PTPRS: variants seen among roughly 807,000 people sequenced by gnomAD.
PTPRS encodes protein tyrosine phosphatase receptor type S.
A neutral mutation model predicts 215.3 loss-of-function variants in PTPRS; 63 were observed. That is an observed-to-expected ratio of 0.29 (90% CI 0.24 to 0.36). The LOEUF is 0.36. Ranked by LOEUF, PTPRS falls within the 10% of genes least tolerant of loss-of-function variation. The pLI is 1.00. For missense variants in PTPRS, 2,258 were observed against 2,825.8 expected (o/e 0.80, Z 4.56); for synonymous variants, 1,404 against 1,191.4 (o/e 1.18, Z -3.68).
At position 5,237,633 on chromosome 19, in the gene PTPRS, G is replaced by A. The variant is rs2043583244; in HGVS notation, c.1849+1286C>T. On this transcript the variant is annotated intron_variant, in intron 13 of 37. Coordinates refer to ENST00000262963, the MANE Select transcript of PTPRS (RefSeq NM_002850.4). This position sits in a 1 kb window ranked among gnomAD's most constrained non-coding sequence, Gnocchi z 4.2. ...CGTTCAGCCCAGAGTGGCTGGGGCA[G>A]GCGGGGGGGCACGCGGGGTGGGCCG... Among the ~76,000 whole-genome samples, 2 of 152,224 alleles carry A rather than the reference G, an allele frequency of 1.3e-5. No individual in the cohort carries two copies. Among genetic ancestry groups the A allele is most frequent in the South Asian group, 2.1e-4 (1 of 4,836 alleles).
chr19:5,248,346 A>T (rs1160936432), intron 9 of PTPRS, among the ~76,000 whole-genome samples: 1 of 152,130 alleles, frequency 6.6e-6, no homozygotes, highest in African/African-American at 2.4e-5. Flanking sequence ...AACAAACGAA[A>T]AAACTCCCTC....
intron 2 of PTPRS, among the ~76,000 whole-genome samples, chr19:5,279,822 A>G (rs927181298): frequency 8.5e-5 from 13 of 152,112 alleles, no homozygotes; most frequent in African/African-American, 3.1e-4. Context: ...AGCTGGGACT[A>G]TAGGCGCCCG....
intron 6 of PTPRS, 131 bp downstream of exon 6, chr19:5,262,833 T>A (rs2046108772): frequency 9.8e-7 from 1 of 1,022,282 alleles, no homozygotes; most frequent in Non-Finnish European, 1.5e-6. Flanking sequence ...AGGGCGTTAG[T>A]AAACATACCA....
At chr19:5,308,979 G>A (rs969892363) in intron 1 of PTPRS, among the ~76,000 whole-genome samples, 4 of 152,202 alleles carry the variant, frequency 2.6e-5, no homozygotes, top group South Asian at 2.1e-4. Context: ...GGAACCCTGG[G>A]TGTAGAAGTG....
Position 5,237,593 on chromosome 19 carries a change from G to A in PTPRS, c.1849+1326C>T, listed in dbSNP as rs980939145. Among the ~76,000 whole-genome samples, 1 of 152,188 alleles carries A rather than the reference G, an allele frequency of 6.6e-6. No homozygotes were observed. The highest frequency in any genetic ancestry group is 1.5e-5 in the Non-Finnish European group (1 of 68,020). ...TGGGAGAGTTTCTGGGGCCGAATTC[G>A]GGCCGTGGACTGTCCGTTCAGCCCA... On this transcript the variant is annotated intron_variant, in intron 13 of 37. Coordinates refer to ENST00000262963, the MANE Select transcript of PTPRS (RefSeq NM_002850.4). The surrounding 1 kb of genome is among the most constrained non-coding windows in gnomAD (Gnocchi z 4.2).
intron 12 of PTPRS, among the ~76,000 whole-genome samples, chr19:5,239,445 G>C (rs537273564): frequency 1.3e-5 from 2 of 151,510 alleles, no homozygotes; most frequent in African/African-American, 4.9e-5. Flanking sequence ...CAGACACAGA[G>C]ACAGAGATAA....
At chr19:5,269,058 T>C (rs907288009) in intron 4 of PTPRS, among the ~76,000 whole-genome samples, 4 of 152,192 alleles carry the variant, frequency 2.6e-5, no homozygotes, top group African/African-American at 4.8e-5. Context: ...TCAATTGGTC[T>C]TGGTGCCCAC....
At chr19:5,216,185 G>A (rs752831286) in intron 26 of PTPRS, among the ~76,000 whole-genome samples, 3 of 152,102 alleles carry the variant, frequency 2.0e-5, no homozygotes, top group African/African-American at 4.8e-5. Flanking sequence ...CTTGGGGCAG[G>A]AGCAGGTGCA....
Position 5,210,529 on chromosome 19 carries a change from C to A in PTPRS, c.5427G>T (p.Pro1809=), listed in dbSNP as rs115808880. ...SARYQYFVVD[P]MAEYNMPQYI... ...ACTGAGGCATGTTGTATTCTGCCAT[C>A]GGATCTACCACAAAGTACTGGTAGC... is the stretch of plus-strand genomic sequence containing the variant. The change falls in exon 35 of 38, where the codon CCG becomes CCT. Residue 1809 remains proline (P), a synonymous_variant. Coordinates refer to ENST00000262963, the MANE Select transcript of PTPRS (RefSeq NM_002850.4). This position sits in a 1 kb window ranked among gnomAD's most constrained non-coding sequence, Gnocchi z 4.5. 54 of 1,614,204 alleles carry A rather than the reference C, an allele frequency of 3.3e-5. 1 individual carries two copies. In the East Asian group the frequency reaches 1.2e-3, roughly 35 times the overall value.
intron 16 of PTPRS, among the ~76,000 whole-genome samples, chr19:5,228,347 G>GAAAAAAAAAA (rs71170899): frequency 1.9e-5 from 2 of 105,888 alleles, no homozygotes; most frequent in African/African-American, 8.6e-5. Flanking sequence ...TCCGTCTGGA[G>GAAAAAAAAAA]AAAAAAAAAA....
At chr19:5,275,656 A>G (rs1035576934) in intron 2 of PTPRS, among the ~76,000 whole-genome samples, 2 of 152,106 alleles carry the variant, frequency 1.3e-5, no homozygotes, top group African/African-American at 2.4e-5. Context: ...GGAAACAAAC[A>G]TTAGCCAGAC....
rs890592269 is a variant in PTPRS, at chr19:5,217,655, T to C, written c.4048+765A>G. Among the ~76,000 whole-genome samples, 3 of 151,952 alleles carry C rather than the reference T, an allele frequency of 2.0e-5. 1 individual carries two copies. Among genetic ancestry groups the C allele is most frequent in the African/African-American group, 4.8e-5 (2 of 41,364 alleles). On this transcript the variant is annotated intron_variant, in intron 25 of 37. Coordinates refer to ENST00000262963, the MANE Select transcript of PTPRS (RefSeq NM_002850.4). Reference sequence around the variant, plus strand: ...TTAAAATCTTCATTTGGTTGGAAAATAGAGTTGATATGAACCAGTTCAGAG... The same window carrying C: ...TTAAAATCTTCATTTGGTTGGAAAACAGAGTTGATATGAACCAGTTCAGAG...
At chr19:5,207,239 C>A (rs1387462359) in intron 37 of PTPRS, among the ~76,000 whole-genome samples, 1 of 152,242 alleles carries the variant, frequency 6.6e-6, no homozygotes, top group Non-Finnish European at 1.5e-5. Flanking sequence ...CGTGTACCAC[C>A]ATGCCCAGCT....
Position 5,339,256 on chromosome 19 carries a change from T to C in PTPRS, c.-95+1408A>G, listed in dbSNP as rs1043050376. The stretch of plus-strand genomic sequence containing the variant: ...GGAGGCAAGGCACCCCCAATGAGGC[T>C]CTGGGAGGTTTGTTAATTTGGGGGA... On this transcript the variant is annotated intron_variant, in intron 1 of 37. Transcript: ENST00000262963. The surrounding 1 kb of genome is among the most constrained non-coding windows in gnomAD (Gnocchi z 4.2). Among the ~76,000 whole-genome samples, 1 of 151,944 alleles carries C rather than the reference T, an allele frequency of 6.6e-6. No individual in the cohort carries two copies. The highest frequency in any genetic ancestry group is 2.4e-5 in the African/African-American group (1 of 41,366).
At chr19:5,213,705 T>C (rs1355388578) in intron 30 of PTPRS, among the ~76,000 whole-genome samples, 1 of 152,180 alleles carries the variant, frequency 6.6e-6, no homozygotes, top group East Asian at 1.9e-4. Flanking sequence ...CTCTTGTCCA[T>C]GTACTCAGTT....
intron 9 of PTPRS, among the ~76,000 whole-genome samples, chr19:5,251,429 CTTT>C (rs60058565): frequency 6.6e-5 from 9 of 136,694 alleles, no homozygotes; most frequent in Non-Finnish European, 6.3e-5. Flanking sequence ...GCTCTAGATA[CTTT>C]TTTTTTTTTT....
At chr19:5,274,176 T>C in intron 3 of PTPRS, 23 bp downstream of exon 3, 3 of 1,597,056 alleles carry the variant, frequency 1.9e-6, no homozygotes, top group Non-Finnish European at 2.6e-6. Context: ...GACCCCAGGC[T>C]GCCTCCCCCT....
In PTPRS at chr19:5,309,834, C is replaced by T. The variant is rs62115119; in HGVS notation, c.-94-23600G>A. On this transcript the variant is annotated intron_variant, in intron 1 of 37. Transcript: ENST00000262963. The stretch of plus-strand genomic sequence containing the variant: ...CATCATCCCTGGCCTGGATCTGTGC[C>T]GTCCCCTCTGCTCTGGTCCCCCAGC... 3.7e-3 allele frequency among the ~76,000 whole-genome samples: 568 copies of T among 152,196 alleles called. 10 individuals carry two copies. Among genetic ancestry groups the T allele is most frequent in the Non-Finnish European group, 5.1e-3 (349 of 68,018 alleles).
chr19:5,230,485 G>C (rs1014646706), intron 14 of PTPRS, among the ~76,000 whole-genome samples: 2 of 152,132 alleles, frequency 1.3e-5, no homozygotes, highest in African/African-American at 4.8e-5. Context: ...TAGAGATGGG[G>C]TCTCACTCTG....
Sources: gnomAD v4.1 joint callset for allele counts (sites outside exome capture counted in the v4.1 genomes callset) on GRCh38, gnomAD v4.1.1 for gene constraint, Gnocchi (gnomAD v3.1) non-coding constraint, MANE v1.5 for transcripts, NCBI Gene and HGNC (gene_info 2026-07-23, HGNC 2026-07-21) for gene names.